IRAG1: variants seen among roughly 807,000 people sequenced by gnomAD.
IRAG1 encodes the protein IP3R-associated cGMP kinase substrate.
Under a neutral mutation model 106.2 loss-of-function variants are expected in IRAG1, and 62 were observed. The observed-to-expected ratio is 0.58, with a 90% CI of 0.48 to 0.72. The LOEUF (loss-of-function observed/expected upper bound fraction) is 0.72. Among genes scored for constraint, IRAG1 ranks in the 30% least tolerant of loss-of-function variants. IRAG1 has a pLI of 0.00. For synonymous variants in IRAG1, 462 were observed against 443.9 expected (o/e 1.04, Z -0.51); for missense variants, 1,064 against 1,140.7 (o/e 0.93, Z 0.97).
intron 1 of IRAG1, among the ~76,000 whole-genome samples, chr11:10,681,083 T>A (rs1013423009): frequency 4.6e-5 from 7 of 152,056 alleles, no homozygotes; most frequent in African/African-American, 1.4e-4. Flanking sequence ...ACTTAGGGAG[T>A]GCCCGACACC....
chr11:10,661,233 AC>A (rs1216414011), intron 1 of IRAG1, among the ~76,000 whole-genome samples: 10 of 152,094 alleles, frequency 6.6e-5, no homozygotes, highest in Non-Finnish European at 1.5e-4. Flanking sequence ...CCCTTTGCAT[AC>A]ATCCTCCTCC....
At chr11:10,610,708 C>CA (rs1187252794) in intron 10 of IRAG1, among the ~76,000 whole-genome samples, 1 of 152,198 alleles carries the variant, frequency 6.6e-6, no homozygotes, top group African/African-American at 2.4e-5. Flanking sequence ...CACAGGAAGA[C>CA]TTTGGTAAAT....
At position 10,665,448 on chromosome 11, in the gene IRAG1, A is replaced by C. The variant is rs188688366; in HGVS notation, c.68-13266T>G. On this transcript the variant is annotated intron_variant, in intron 1 of 20. Coordinates refer to ENST00000423302, the MANE Select transcript of IRAG1 (RefSeq NM_130385.4). The surrounding 1 kb of genome is among the most constrained non-coding windows in gnomAD (Gnocchi z 4.2). ...CTCCATGTTCCTGCCTAGACGATAG[A>C]CTGGTACACACCAAGATATGTTTGT... 6.6e-6 allele frequency among the ~76,000 whole-genome samples: 1 copy of C among 152,328 alleles called. No homozygotes were observed.
intron 3 of IRAG1, among the ~76,000 whole-genome samples, chr11:10,632,811 G>A (rs190611836): frequency 5.0e-4 from 76 of 152,316 alleles, no homozygotes; most frequent in Middle Eastern, 3.4e-3. Context: ...TGACAAAGAC[G>A]CAGATGATTT....
rs189256552 is a variant in IRAG1 at position 10,642,853 on chromosome 11, G to A, written c.226-8782C>T. Among the ~76,000 whole-genome samples the A allele has an allele frequency of 5.8e-3, 887 of 152,234 alleles. 8 individuals carry two copies. Among genetic ancestry groups the A allele is most frequent in the Non-Finnish European group, 0.01 (683 of 68,010 alleles). ...AGATCCAGCAGCAAAAGCAGCCAGT[G>A]CTCTTACAACAGGATAAAAGGACTC... On this transcript the variant is annotated intron_variant, in intron 2 of 20. Transcript: ENST00000423302.
intron 11 of IRAG1, 134 bp downstream of exon 11, chr11:10,609,594 T>C (rs1854770463): frequency 2.9e-6 from 3 of 1,042,594 alleles, no homozygotes; most frequent in Non-Finnish European, 4.1e-6. Flanking sequence ...GAATGCATTA[T>C]CCCTATCTAG....
At chr11:10,576,653 C>CG (rs1307337409) in intron 20 of IRAG1, 78 bp from the exon 21 acceptor site, 1 of 1,555,058 alleles carries the variant, frequency 6.4e-7, no homozygotes, top group Non-Finnish European at 8.8e-7. Context: ...GTTCTCTCTG[C>CG]GGATAGCTTC....
chr11:10,615,329 T>G (rs1855308477), intron 10 of IRAG1, among the ~76,000 whole-genome samples: 1 of 152,210 alleles, frequency 6.6e-6, no homozygotes, highest in Admixed American at 6.5e-5. Context: ...TTTACACTGT[T>G]GGTGGGACTA....
chr11:10,662,536 G>C (rs1859480245), intron 1 of IRAG1, among the ~76,000 whole-genome samples: 3 of 152,196 alleles, frequency 2.0e-5, no homozygotes, highest in Admixed American at 6.5e-5. Flanking sequence ...CTTATCAATG[G>C]CTCTTCTAGC....
At chr11:10,583,550 AG>A (rs892571152) in intron 18 of IRAG1, among the ~76,000 whole-genome samples, 2 of 152,184 alleles carry the variant, frequency 1.3e-5, no homozygotes, top group African/African-American at 4.8e-5. Flanking sequence ...TTTAAAGTAA[AG>A]AAGGGGAGGT....
At chr11:10,658,892 TACCCCATGTCTGTGCTGTGCTC>T (rs1265225527) in intron 1 of IRAG1, among the ~76,000 whole-genome samples, 1 of 147,234 alleles carries the variant, frequency 6.8e-6, no homozygotes, top group African/African-American at 2.6e-5. Context: ...GTGCTGTGGT[TACCCCATGTCTGTGCTGTGCTC>T]ACCCCATGTC....
chr11:10,595,172 G>T (rs772265245), intron 15 of IRAG1, among the ~76,000 whole-genome samples: 33 of 151,770 alleles, frequency 2.2e-4, no homozygotes, highest in Non-Finnish European at 2.9e-5. Context: ...GTATCTACCC[G>T]CCTCGGCCGC....
chr11:10,670,814 G>A (rs948593516), intron 1 of IRAG1, among the ~76,000 whole-genome samples: 6 of 152,236 alleles, frequency 3.9e-5, no homozygotes, highest in Non-Finnish European at 8.8e-5. Context: ...AAGACCATAT[G>A]AGGACACAGA....
At chr11:10,599,088 G>T (rs987567201) in intron 15 of IRAG1, among the ~76,000 whole-genome samples, 13 of 152,212 alleles carry the variant, frequency 8.5e-5, no homozygotes, top group Non-Finnish European at 2.9e-5. Context: ...AACACGTACA[G>T]CTATCGTTGA....
At chr11:10,677,666 C>T (rs1258118915) in intron 1 of IRAG1, among the ~76,000 whole-genome samples, 1 of 152,152 alleles carries the variant, frequency 6.6e-6, no homozygotes, top group Non-Finnish European at 1.5e-5. Flanking sequence ...TTGAAGTGTA[C>T]AATTCAGTGG....
intron 2 of IRAG1, 67 bp downstream of exon 2, chr11:10,651,958 G>A: frequency 1.4e-6 from 2 of 1,470,850 alleles, no homozygotes; most frequent in Admixed American, 2.3e-5. Context: ...AAAAGCTGTG[G>A]CCTCAGCCCA....
intron 20 of IRAG1, among the ~76,000 whole-genome samples, chr11:10,578,265 C>G (rs1851032223): frequency 1.3e-5 from 2 of 152,206 alleles, no homozygotes; most frequent in Non-Finnish European, 2.9e-5. Context: ...CCTAAATGTC[C>G]TCTTAACCCC....
At chr11:10,623,193 A>G (rs554301708) in intron 10 of IRAG1, among the ~76,000 whole-genome samples, 45 of 152,294 alleles carry the variant, frequency 3.0e-4, no homozygotes, top group African/African-American at 1.0e-3. Flanking sequence ...CACTGGGAGC[A>G]GGGCTGGACT....
At chr11:10,603,068 A>C (rs1473878302) in intron 14 of IRAG1, 52 bp downstream of exon 14, 3 of 1,572,972 alleles carry the variant, frequency 1.9e-6, no homozygotes, top group African/African-American at 2.7e-5. Flanking sequence ...TGATTGCTCT[A>C]CTTTACGTAG....
Sources: gnomAD v4.1 joint callset for allele counts (sites outside exome capture counted in the v4.1 genomes callset) on GRCh38, gnomAD v4.1.1 for gene constraint, Gnocchi (gnomAD v3.1) non-coding constraint, MANE v1.5 for transcripts, NCBI Gene and HGNC (gene_info 2026-07-23, HGNC 2026-07-21) for gene names.